The following SND1 variants were observed in gnomAD, a reference collection of about 807,000 sequenced individuals.
SND1 encodes the protein staphylococcal nuclease domain-containing protein 1.
SND1 carries 38 observed loss-of-function variants against 121.7 expected under a neutral mutation model. The ratio of observed to expected loss-of-function variants is 0.31; its 90% CI spans 0.24 to 0.41. The LOEUF is 0.41. Ranked by LOEUF, SND1 falls within the 10% of genes least tolerant of loss-of-function variation. SND1 has a pLI of 1.00. For synonymous variants in SND1, 401 were observed against 447.4 expected (o/e 0.90, Z 1.31); for missense variants, 868 against 1,184.6 (o/e 0.73, Z 3.92).
intron 16 of SND1, among the ~76,000 whole-genome samples, chr7:128,061,882 T>A (rs1793236959): frequency 6.6e-6 from 1 of 152,262 alleles, no homozygotes; most frequent in Non-Finnish European, 1.5e-5. Flanking sequence ...CCAGTTGTAC[T>A]ATGCATAGGA....
chr7:127,959,452 T>TG (rs1273456069), intron 15 of SND1, among the ~76,000 whole-genome samples: 1 of 152,210 alleles, frequency 6.6e-6, no homozygotes, highest in African/African-American at 2.4e-5. Context: ...CCTGGAAGTG[T>TG]GGCCTGTCTT....
intron 16 of SND1, among the ~76,000 whole-genome samples, chr7:128,023,105 A>G (rs1030025410): frequency 6.6e-6 from 1 of 152,134 alleles, no homozygotes; most frequent in African/African-American, 2.4e-5. Flanking sequence ...AGGCAGAGGA[A>G]TCTCCCTGGC....
intron 16 of SND1, among the ~76,000 whole-genome samples, chr7:128,055,985 C>T (rs562243014): frequency 2.0e-5 from 3 of 152,320 alleles, no homozygotes; most frequent in African/African-American, 7.2e-5. Flanking sequence ...AAATTCTAGC[C>T]TCTCCATTGA....
At chr7:128,013,348 C>T (rs186457416) in intron 16 of SND1, among the ~76,000 whole-genome samples, 1 of 152,362 alleles carries the variant, frequency 6.6e-6, no homozygotes, top group Admixed American at 6.5e-5. Flanking sequence ...TCATCTCCAT[C>T]GTTCCCCAGC....
At chr7:128,059,826 A>G (rs1793202617) in intron 16 of SND1, among the ~76,000 whole-genome samples, 1 of 152,232 alleles carries the variant, frequency 6.6e-6, no homozygotes, top group South Asian at 2.1e-4. Context: ...CCTGCCAAGC[A>G]CAGTCTTCCC....
intron 10 of SND1, among the ~76,000 whole-genome samples, chr7:127,772,700 A>AT (rs11353149): frequency 6.6e-6 from 1 of 151,502 alleles, no homozygotes; most frequent in African/African-American, 2.4e-5. Flanking sequence ...GAAACATGTA[A>AT]TTTTTTTTTT....
At chr7:127,952,062 A>G (rs1216611744) in intron 15 of SND1, among the ~76,000 whole-genome samples, 2 of 151,922 alleles carry the variant, frequency 1.3e-5, no homozygotes, top group African/African-American at 2.4e-5. Flanking sequence ...CTTATTTCCT[A>G]TTTAGTGGAG....
chr7:127,938,226 CACTT>C (rs1801106450), intron 15 of SND1, among the ~76,000 whole-genome samples: 1 of 152,148 alleles, frequency 6.6e-6, no homozygotes, highest in African/African-American at 2.4e-5. Flanking sequence ...CCTGGAGAGT[CACTT>C]ACAGGAAAGA....
chr7:127,772,453 A>G (rs1262020029), intron 10 of SND1, among the ~76,000 whole-genome samples: 1 of 152,180 alleles, frequency 6.6e-6, no homozygotes, highest in African/African-American at 2.4e-5. Flanking sequence ...AAACAGAAGT[A>G]ATGTCTGTGA....
At chr7:127,782,354 C>T (rs1054799377) in intron 10 of SND1, among the ~76,000 whole-genome samples, 3 of 152,146 alleles carry the variant, frequency 2.0e-5, no homozygotes, top group African/African-American at 4.8e-5. Context: ...GTCCTGGGGT[C>T]CTGCATTCTC....
chr7:127,916,034 T>TG (rs1370802819), intron 14 of SND1, among the ~76,000 whole-genome samples: 4 of 121,724 alleles, frequency 3.3e-5, no homozygotes, highest in Admixed American at 8.3e-5. Context: ...GTGTGTGTGT[T>TG]TATGTGTGTA....
chr7:127,700,140 A>G (rs1370651802), intron 4 of SND1, among the ~76,000 whole-genome samples: 1 of 152,246 alleles, frequency 6.6e-6, no homozygotes, highest in Non-Finnish European at 1.5e-5. Flanking sequence ...GGAATGAATA[A>G]TAAAAAAATC....
At chr7:127,954,600 T>C (rs1584692487) in intron 15 of SND1, among the ~76,000 whole-genome samples, 1 of 152,194 alleles carries the variant, frequency 6.6e-6, no homozygotes, top group African/African-American at 2.4e-5. Context: ...TGTGTTTGTG[T>C]TGGCAGAAGT....
intron 10 of SND1, among the ~76,000 whole-genome samples, chr7:127,747,714 T>G (rs974786682): frequency 6.6e-6 from 1 of 152,234 alleles, no homozygotes; most frequent in Non-Finnish European, 1.5e-5. Context: ...CTTAAAGAAT[T>G]AATTTTTCAG....
intron 16 of SND1, chr7:128,030,696 C>G: frequency 1.3e-6 from 2 of 1,516,132 alleles, no homozygotes. Context: ...GAAAGGAGAA[C>G]CAGCCCTACC....
At chr7:128,065,207 C>G (rs1429108493) in intron 16 of SND1, among the ~76,000 whole-genome samples, 1 of 152,226 alleles carries the variant, frequency 6.6e-6, no homozygotes, top group East Asian at 1.9e-4. Flanking sequence ...AGGTTGTGAT[C>G]TGGAGCCAAG....
At chr7:127,897,391 A>G (rs1015991630) in intron 13 of SND1, among the ~76,000 whole-genome samples, 8 of 152,192 alleles carry the variant, frequency 5.3e-5, no homozygotes, top group African/African-American at 1.7e-4. Context: ...TGTTTGTGTT[A>G]TGTAACAAGT....
chr7:127,694,673 T>G, intron 2 of SND1, 155 bp from the exon 3 acceptor site: 2 of 826,014 alleles, frequency 2.4e-6, no homozygotes, highest in Non-Finnish European at 3.8e-6. Flanking sequence ...GCGATCTGCA[T>G]TGTGTGCATT....
At chr7:128,065,304 G>A (rs1441738753) in intron 16 of SND1, among the ~76,000 whole-genome samples, 7 of 152,234 alleles carry the variant, frequency 4.6e-5, no homozygotes, top group Non-Finnish European at 7.3e-5. Context: ...GTGGGTCTCC[G>A]TGGGAAACCC....
Sources: gnomAD v4.1 joint callset for allele counts (sites outside exome capture counted in the v4.1 genomes callset) on GRCh38, gnomAD v4.1.1 for gene constraint, MANE v1.5 for transcripts, NCBI Gene and HGNC (gene_info 2026-07-23, HGNC 2026-07-21) for gene names.